NIBAN2: variants seen among roughly 807,000 people sequenced by gnomAD.
The protein encoded by NIBAN2 is niban apoptosis regulator 2.
NIBAN2 carries 36 observed loss-of-function variants against 81.8 expected under a neutral mutation model. The observed-to-expected ratio is 0.44, with a 90% CI of 0.34 to 0.58. The LOEUF (loss-of-function observed/expected upper bound fraction) is 0.58. NIBAN2 is among the 20% of genes least tolerant of loss of function. The pLI, the probability that NIBAN2 is intolerant of heterozygous loss-of-function variation, is 0.02. For synonymous variants in NIBAN2, 445 were observed against 441.6 expected, an observed-to-expected ratio of 1.01 and a Z score of -0.10; for missense variants, 897 against 1,014.1, an observed-to-expected ratio of 0.88 and a Z score of 1.57.
upstream of NIBAN2, chr9:127,569,191 A>G (rs1021943228): frequency 6.6e-5 from 29 of 441,004 alleles, no homozygotes; most frequent in Non-Finnish European, 7.2e-5. Flanking sequence ...GCCGCGTCCC[A>G]CCCCGCCCCG....
chr9:127,531,209 T>A (rs1300784355), intron 2 of NIBAN2, among the ~76,000 whole-genome samples: 1 of 146,528 alleles, frequency 6.8e-6, no homozygotes, highest in Non-Finnish European at 1.5e-5. Context: ...CCGCACATAG[T>A]GGCTCACACC....
intron 1 of NIBAN2, 47 bp downstream of exon 1, chr9:127,568,773 G>A (rs1407411403): frequency 5.6e-6 from 7 of 1,250,174 alleles, no homozygotes; most frequent in Non-Finnish European, 7.0e-6. Flanking sequence ...CGTGGTCCGG[G>A]GGTTCCGGCA....
intron 5 of NIBAN2, among the ~76,000 whole-genome samples, chr9:127,523,006 C>G (rs1434816940): frequency 6.6e-6 from 1 of 151,020 alleles, no homozygotes; most frequent in Non-Finnish European, 1.5e-5. Flanking sequence ...TCCCTTGTTG[C>G]ACACCCAGTG....
At chr9:127,509,753 G>A (rs1268007334) in intron 9 of NIBAN2, 1 of 140,184 alleles carries the variant, frequency 7.1e-6, no homozygotes, top group Non-Finnish European at 1.5e-5. Context: ...TACTCCACCT[G>A]AAGCCCGCCC....
upstream of NIBAN2, among the ~76,000 whole-genome samples, chr9:127,569,765 C>A (rs1837925133): frequency 3.3e-5 from 5 of 152,384 alleles, 1 homozygote; most frequent in South Asian, 1.0e-3. Flanking sequence ...GAAGGCACCC[C>A]CGCCCCAGTG....
At chr9:127,567,996 C>T (rs1837888151) in intron 1 of NIBAN2, among the ~76,000 whole-genome samples, 1 of 152,152 alleles carries the variant, frequency 6.6e-6, no homozygotes, top group Admixed American at 6.5e-5. Flanking sequence ...AGATCCTCAT[C>T]CTATCTCACT....
At chr9:127,518,750 T>C (rs994427033) in intron 5 of NIBAN2, among the ~76,000 whole-genome samples, 7 of 152,150 alleles carry the variant, frequency 4.6e-5, no homozygotes, top group Admixed American at 2.0e-4. Context: ...GAGATCAGGG[T>C]CCAGCACTGC....
At chr9:127,533,712 G>A (rs932871226) in intron 1 of NIBAN2, among the ~76,000 whole-genome samples, 6 of 152,236 alleles carry the variant, frequency 3.9e-5, no homozygotes, top group Non-Finnish European at 7.3e-5. Flanking sequence ...GAGGAGGTCT[G>A]GAAGGCAGCA....
chr9:127,564,284 C>A, intron 1 of NIBAN2, among the ~76,000 whole-genome samples: 1 of 144,584 alleles, frequency 6.9e-6, no homozygotes. Context: ...CAAAATGAGA[C>A]TCTGTATCAA....
At chr9:127,578,641 C>T (rs949262142) in intron 1 of NIBAN2, among the ~76,000 whole-genome samples, 6 of 150,754 alleles carry the variant, frequency 4.0e-5, no homozygotes, top group African/African-American at 9.8e-5. Context: ...GCAGTCCAGC[C>T]GGGGTGACAA....
intron 8 of NIBAN2, 88 bp from the exon 9 acceptor site, chr9:127,510,421 T>A: frequency 1.2e-6 from 1 of 820,018 alleles, no homozygotes; most frequent in Non-Finnish European, 1.8e-6. Flanking sequence ...GGCTACTGTA[T>A]TACTATTATT....
chr9:127,569,439 C>G (rs964846622), upstream of NIBAN2, among the ~76,000 whole-genome samples: 15 of 151,710 alleles, frequency 9.9e-5, no homozygotes, highest in Non-Finnish European at 1.8e-4. Context: ...CTGGTGGGGA[C>G]ATCTGAAAAA....
In NIBAN2 at chr9:127,511,758, G is replaced by T. The variant is rs57478167; in HGVS notation, c.974-1425C>A. 4.3e-4 allele frequency among the ~76,000 whole-genome samples: 65 copies of T among 152,246 alleles called. No homozygotes were observed. In the East Asian group the frequency reaches 7.3e-3, roughly 17 times the overall value. On this transcript the variant is annotated intron_variant, in intron 8 of 13. Transcript: ENST00000373312. ...GTAATCCAATTAAAAATGGGCAAAA[G>T]ATTTGAATACATATTTCCCCAAAGA...
rs760926345 is a variant in NIBAN2 at position 127,508,087 on chromosome 9, G to A, written c.1542+6C>T. On this transcript the variant is annotated splice_donor_region_variant and intron_variant, in intron 12 of 13. Transcript: ENST00000373312. This position sits in a 1 kb window ranked among gnomAD's most constrained non-coding sequence, Gnocchi z 6.4. The stretch of plus-strand genomic sequence containing the variant: ...CAAACGGCTGGAGCAGGTGGGGGCT[G>A]CTCACCGACTTGCAGGTAGGGGCCA... 3 of 1,613,014 alleles carry A rather than the reference G, an allele frequency of 1.9e-6. No individual in the cohort carries two copies. The highest frequency in any genetic ancestry group is 1.7e-6 in the Non-Finnish European group (2 of 1,179,404).
chr9:127,522,387 G>T (rs1836961659), intron 5 of NIBAN2, among the ~76,000 whole-genome samples: 1 of 152,162 alleles, frequency 6.6e-6, no homozygotes, highest in South Asian at 2.1e-4. Flanking sequence ...GCGCCCAAGG[G>T]TGGGGCGGGG....
chr9:127,564,061 G>A (rs1653196242), intron 1 of NIBAN2, among the ~76,000 whole-genome samples: 1 of 151,878 alleles, frequency 6.6e-6, no homozygotes, highest in Admixed American at 6.6e-5. Context: ...GGCAGGCTGA[G>A]GCAGATGTAT....
At chr9:127,577,316 C>A (rs946494322) in intron 1 of NIBAN2, among the ~76,000 whole-genome samples, 4 of 151,938 alleles carry the variant, frequency 2.6e-5, no homozygotes, top group Non-Finnish European at 4.4e-5. Flanking sequence ...CACCCTCCCC[C>A]CAAAAAAATT....
intron 8 of NIBAN2, among the ~76,000 whole-genome samples, chr9:127,515,893 T>C (rs565185013): frequency 6.6e-6 from 1 of 151,982 alleles, no homozygotes; most frequent in African/African-American, 2.4e-5. Context: ...ATCCTAGCAC[T>C]TTGGGAAGCC....
At chr9:127,577,591 C>T (rs1838024760) in intron 1 of NIBAN2, among the ~76,000 whole-genome samples, 1 of 149,706 alleles carries the variant, frequency 6.7e-6, no homozygotes, top group Admixed American at 6.7e-5. Context: ...GATCCAATAC[C>T]CCACGCTTCC....
Sources: gnomAD v4.1 joint callset for allele counts (sites outside exome capture counted in the v4.1 genomes callset) on GRCh38, gnomAD v4.1.1 for gene constraint, Gnocchi (gnomAD v3.1) non-coding constraint, MANE v1.5 for transcripts, NCBI Gene and HGNC (gene_info 2026-07-23, HGNC 2026-07-21) for gene names.